Variants in TSBP1 observed in about 807,000 individuals in gnomAD.
TSBP1 encodes testis-expressed basic protein 1.
A neutral mutation model predicts 68.8 loss-of-function variants in TSBP1; 56 were observed. That is an observed-to-expected ratio of 0.81 (90% CI 0.66 to 1.02). The LOEUF is 1.02. TSBP1 is among the 50% of genes least tolerant of loss of function. The probability of loss-of-function intolerance (pLI) is 0.00; values close to 1 mark genes in which losing one functional copy is unlikely to be tolerated. For missense variants in TSBP1, 502 were observed against 641.2 expected (o/e 0.78, Z 2.34); for synonymous variants, 171 against 208.7 (o/e 0.82, Z 1.56).
chr6:32,323,189 C>T (rs777288509), intron 17 of TSBP1, 52 bp from the exon 19 acceptor site: 2 of 1,245,330 alleles, frequency 1.6e-6, no homozygotes, highest in South Asian at 1.3e-5. Context: ...AAACAAGGTT[C>T]CCTCTAGGGA....
intron 19 of TSBP1, among the ~76,000 whole-genome samples, chr6:32,311,444 C>G (rs1021196870): frequency 9.9e-5 from 15 of 152,136 alleles, no homozygotes; most frequent in African/African-American, 3.1e-4. Context: ...GTTATAACTT[C>G]CCATTACCCT....
intron 18 of TSBP1, 70 bp from the exon 20 acceptor site, chr6:32,322,576 AT>A: frequency 8.2e-7 from 1 of 1,226,264 alleles, no homozygotes; most frequent in Non-Finnish European, 1.2e-6. Flanking sequence ...TATCTAATAT[AT>A]TTTGCTGGAG....
At position 32,363,064 on chromosome 6, in the gene TSBP1, T is replaced by C. The variant is rs560662576; in HGVS notation, c.217+3103A>G. Among the ~76,000 whole-genome samples, 6 of 152,328 alleles carry C rather than the reference T, an allele frequency of 3.9e-5. No homozygotes were observed. The East Asian group carries it at 1.2e-3, about 29-fold the overall frequency. ...TAGGTGCTCTGACATTATGTGCATA[T>C]GTACTTATAATTTTTATATCCTCTT... is the stretch of plus-strand genomic sequence containing the variant. On this transcript the variant is annotated intron_variant, in intron 6 of 22. Coordinates refer to ENST00000612031, the Ensembl canonical transcript of TSBP1.
chr6:32,323,895 G>A (rs1455157204), intron 16 of TSBP1: 10 of 457,794 alleles, frequency 2.2e-5, no homozygotes, highest in Non-Finnish European at 3.9e-5. Context: ...AGAATCCTAC[G>A]GTGGTGAAAA....
intron 14 of TSBP1, among the ~76,000 whole-genome samples, chr6:32,332,536 C>T (rs1203190156): frequency 6.6e-6 from 1 of 152,178 alleles, no homozygotes; most frequent in Non-Finnish European, 1.5e-5. Context: ...AGTGATAGAG[C>T]AGTGACTGCT....
chr6:32,344,860 T>TG (rs201368897), intron 9 of TSBP1, among the ~76,000 whole-genome samples: 6 of 145,816 alleles, frequency 4.1e-5, no homozygotes, highest in Non-Finnish European at 6.1e-5. Flanking sequence ...GGTTTTTTTT[T>TG]TGGGGCTGGG....
rs754378329 is a variant in TSBP1, at chr6:32,300,701, CT to C, written c.602-2del. ...TTACTGATTTTTCCAGAACTGTCCA[CT>C]GAAAGAGATAAAGGCAAACACATCA... is the stretch of plus-strand genomic sequence containing the variant. On this transcript the variant is annotated splice_acceptor_variant, in intron 20 of 22. Transcript: ENST00000612031. LOFTEE classifies it high-confidence loss of function. 104 of 1,612,602 alleles carry C rather than the reference CT, an allele frequency of 6.4e-5. No homozygotes were observed. Among genetic ancestry groups the C allele is most frequent in the Non-Finnish European group, 8.2e-5 (97 of 1,179,606 alleles).
chr6:32,358,559 C>T (rs1391471091), intron 6 of TSBP1, among the ~76,000 whole-genome samples: 1 of 151,894 alleles, frequency 6.6e-6, no homozygotes, highest in African/African-American at 2.4e-5. Flanking sequence ...TGCTATCCCT[C>T]CCCGCTCCCC....
chr6:32,363,506 C>A (rs11967259), intron 6 of TSBP1, among the ~76,000 whole-genome samples: 5,914 of 148,984 alleles, frequency 0.04, 331 homozygotes, highest in African/African-American at 0.13. Flanking sequence ...GCTTTAATAT[C>A]TTTCTGTTTT....
At chr6:32,324,034 T>C (rs1767936354) in intron 16 of TSBP1, among the ~76,000 whole-genome samples, 1 of 152,210 alleles carries the variant, frequency 6.6e-6, no homozygotes, top group Non-Finnish European at 1.5e-5. Flanking sequence ...TATATCATTT[T>C]GACCTGCTGA....
At chr6:32,330,043 C>T (rs193055527) in intron 16 of TSBP1, among the ~76,000 whole-genome samples, 44 of 152,068 alleles carry the variant, frequency 2.9e-4, no homozygotes, top group African/African-American at 8.2e-4. Context: ...CGTGTGTGTG[C>T]GCGCGCGCAC....
chr6:32,328,286 C>G (rs535810429), intron 16 of TSBP1, among the ~76,000 whole-genome samples: 1 of 151,906 alleles, frequency 6.6e-6, no homozygotes, highest in East Asian at 2.0e-4. Context: ...CTCGCTCTGT[C>G]GCCCAGGCTG....
rs1765771655 is a variant in TSBP1 at position 32,306,260 on chromosome 6, G to A, written c.581-3631C>T. Among the ~76,000 whole-genome samples the A allele has an allele frequency of 6.6e-6, 1 of 152,166 alleles. No homozygotes were observed. The highest frequency in any genetic ancestry group is 2.4e-5 in the African/African-American group (1 of 41,424). ...ATTATGTTTTGTTAAAGATTTACGG[G>A]AGCATTGTGACCTGACCAAGGACAA... is the stretch of plus-strand genomic sequence containing the variant. On this transcript the variant is annotated intron_variant, in intron 19 of 22. Transcript: ENST00000612031. This position sits in a 1 kb window ranked among gnomAD's most constrained non-coding sequence, Gnocchi z 5.1.
At position 32,316,649 on chromosome 6, in the gene TSBP1, G is replaced by A. The variant is rs1422650976; in HGVS notation, c.560-857C>T. 6.6e-6 allele frequency among the ~76,000 whole-genome samples: 1 copy of A among 152,178 alleles called. No individual in the cohort carries two copies. Among genetic ancestry groups the A allele is most frequent in the Non-Finnish European group, 1.5e-5 (1 of 68,030 alleles). Reference sequence around the variant, plus strand: ...GATTCTAAGGATTAAATGGGATAATGTAATTAAAGCACCTATATAATTCTA... The same window carrying A: ...GATTCTAAGGATTAAATGGGATAATATAATTAAAGCACCTATATAATTCTA... On this transcript the variant is annotated intron_variant, in intron 18 of 22. Coordinates refer to ENST00000612031, the Ensembl canonical transcript of TSBP1. This position sits in a 1 kb window ranked among gnomAD's most constrained non-coding sequence, Gnocchi z 4.5.
At chr6:32,370,918 A>G (rs3129943) in intron 1 of TSBP1, among the ~76,000 whole-genome samples, 40,184 of 151,724 alleles carry the variant, frequency 0.26, 5,649 homozygotes, top group East Asian at 0.36. Flanking sequence ...GAAAGTAAAA[A>G]CTCTGAAGAA....
chr6:32,299,960 G>T, intron 21 of TSBP1, 24 bp from the exon 25 acceptor site: 2 of 1,601,260 alleles, frequency 1.2e-6, no homozygotes, highest in Non-Finnish European at 8.6e-7. Context: ...ACAAAAGAAA[G>T]ATCAGTGAGG....
chr6:32,334,533 A>G (rs942900962), intron 14 of TSBP1, among the ~76,000 whole-genome samples: 1 of 152,208 alleles, frequency 6.6e-6, no homozygotes, highest in African/African-American at 2.4e-5. Flanking sequence ...CCTGACCCTC[A>G]GTTTCCTCAT....
exon 23 of TSBP1, chr6:32,293,729 A>G (rs775838297): frequency 7.4e-6 from 12 of 1,612,830 alleles, no homozygotes; most frequent in Admixed American, 3.3e-5. Flanking sequence ...TCCTTGTGGT[A>G]TACTCATCTC....
rs562946148 is a variant in TSBP1 at position 32,349,030 on chromosome 6, G to T, written c.349+710C>A. Among the ~76,000 whole-genome samples the T allele has an allele frequency of 2.6e-5, 4 of 152,224 alleles. No individual in the cohort carries two copies. In the East Asian group the frequency reaches 7.7e-4, roughly 29 times the overall value. On this transcript the variant is annotated intron_variant, in intron 9 of 22. Transcript: ENST00000612031. ...CTCAATGATGGGGAAGGAAAAGGAG[G>T]TGAGGGACAAAATCTCAGCAGGGTT...
Sources: gnomAD v4.1 joint callset for allele counts (sites outside exome capture counted in the v4.1 genomes callset) on GRCh38, gnomAD v4.1.1 for gene constraint, Gnocchi (gnomAD v3.1) non-coding constraint, MANE v1.5 for transcripts, NCBI Gene and HGNC (gene_info 2026-07-23, HGNC 2026-07-21) for gene names.